FGF10: variants seen among roughly 807,000 people sequenced by gnomAD.
The protein encoded by FGF10 is FGF-10.
FGF10 carries 2 observed loss-of-function variants against 19.8 expected under a neutral mutation model. The observed-to-expected ratio is 0.10, with a 90% CI of 0.04 to 0.32. FGF10 has a LOEUF of 0.32. Among genes scored for constraint, FGF10 ranks in the 10% least tolerant of loss-of-function variants. The probability of loss-of-function intolerance (pLI) is 1.00; values close to 1 mark genes in which losing one functional copy is unlikely to be tolerated. For missense variants in FGF10, 191 were observed against 246.3 expected, an observed-to-expected ratio of 0.78 and a Z score of 1.50; for synonymous variants, 112 against 94.0, an observed-to-expected ratio of 1.19 and a Z score of -1.10.
chr5:44,305,332 T>A, intron 2 of FGF10, 140 bp from the exon 3 acceptor site: 1 of 708,250 alleles, frequency 1.4e-6, no homozygotes, highest in East Asian at 2.7e-5. Context: ...TAATACATAA[T>A]GTCAACAATA....
intron 2 of FGF10, among the ~76,000 whole-genome samples, chr5:44,306,136 G>A (rs1024846190): frequency 2.0e-5 from 3 of 152,140 alleles, no homozygotes; most frequent in Non-Finnish European, 4.4e-5. Flanking sequence ...AGTGCCTCAC[G>A]CCTGTAATCC....
At chr5:44,347,771 C>T (rs1741120729) in intron 1 of FGF10, among the ~76,000 whole-genome samples, 1 of 151,680 alleles carries the variant, frequency 6.6e-6, no homozygotes, top group African/African-American at 2.4e-5. Flanking sequence ...TCATCTCATG[C>T]CCTTATAGTA....
intron 1 of FGF10, among the ~76,000 whole-genome samples, chr5:44,368,711 C>T (rs1741676069): frequency 1.3e-5 from 2 of 152,016 alleles, no homozygotes; most frequent in Non-Finnish European, 2.9e-5. Flanking sequence ...CACTCTTGCC[C>T]AGGCTAGGGT....
At chr5:44,381,194 A>G (rs1741975314) in intron 1 of FGF10, among the ~76,000 whole-genome samples, 1 of 152,212 alleles carries the variant, frequency 6.6e-6, no homozygotes, top group Non-Finnish European at 1.5e-5. Flanking sequence ...CTTCACTTAC[A>G]GCAGAGCTTA....
intron 1 of FGF10, among the ~76,000 whole-genome samples, chr5:44,385,365 G>A (rs947678273): frequency 4.6e-5 from 7 of 152,114 alleles, no homozygotes; most frequent in African/African-American, 1.7e-4. Flanking sequence ...TTTGAAAGTA[G>A]AAGTTAAAAA....
In FGF10 at chr5:44,371,919, A is replaced by G. The variant is rs771004909; in HGVS notation, c.325+16439T>C. ...CGTTAAGAGGTTAGAACTTACATCTATTTGAGTCCATGCTTAGTACTATCT... is the reference window on the plus strand; with the variant it reads ...CGTTAAGAGGTTAGAACTTACATCTGTTTGAGTCCATGCTTAGTACTATCT... On this transcript the variant is annotated intron_variant, in intron 1 of 2. Coordinates refer to ENST00000264664, the MANE Select transcript of FGF10 (RefSeq NM_004465.2). Among the ~76,000 whole-genome samples the G allele has an allele frequency of 7.2e-5, 11 of 152,294 alleles. No homozygotes were observed. The Middle Eastern group carries it at 0.024, about 330-fold the overall frequency.
At chr5:44,323,792 T>C (rs1740550956) in intron 1 of FGF10, among the ~76,000 whole-genome samples, 1 of 152,154 alleles carries the variant, frequency 6.6e-6, no homozygotes, top group African/African-American at 2.4e-5. Flanking sequence ...TAAAAATGCT[T>C]ACATTGTTTT....
intron 1 of FGF10, among the ~76,000 whole-genome samples, chr5:44,338,528 G>A (rs1444781167): frequency 6.6e-6 from 1 of 152,112 alleles, no homozygotes; most frequent in Non-Finnish European, 1.5e-5. Flanking sequence ...TACTATTCAG[G>A]TTGACAAAAG....
chr5:44,325,217 T>C (rs1004036525), intron 1 of FGF10, among the ~76,000 whole-genome samples: 1 of 152,068 alleles, frequency 6.6e-6, no homozygotes, highest in Non-Finnish European at 1.5e-5. Flanking sequence ...ATGGCGGTCA[T>C]TAAAAAGTCA....
chr5:44,336,121 A>G (rs1351564777), intron 1 of FGF10, among the ~76,000 whole-genome samples: 1 of 152,026 alleles, frequency 6.6e-6, no homozygotes, highest in Non-Finnish European at 1.5e-5. Flanking sequence ...CCAAATTTTC[A>G]TCAGTATTTC....
chr5:44,366,104 C>G (rs1238903456), intron 1 of FGF10, among the ~76,000 whole-genome samples: 1 of 141,514 alleles, frequency 7.1e-6, no homozygotes, highest in Non-Finnish European at 1.5e-5. Flanking sequence ...AGTTCACTCT[C>G]TCACCTCTAT....
At chr5:44,363,299 C>T (rs747987233) in intron 1 of FGF10, among the ~76,000 whole-genome samples, 61 of 151,854 alleles carry the variant, frequency 4.0e-4, no homozygotes, top group Non-Finnish European at 6.3e-4. Flanking sequence ...TAAACACAAT[C>T]ATTTTTAATG....
intron 1 of FGF10, among the ~76,000 whole-genome samples, chr5:44,354,873 T>C (rs1203904906): frequency 6.6e-6 from 1 of 151,546 alleles, no homozygotes; most frequent in African/African-American, 2.4e-5. Context: ...TGCCTGCTTC[T>C]TAAAACCTCA....
chr5:44,386,979 T>G (rs1165041811), intron 1 of FGF10, among the ~76,000 whole-genome samples: 1 of 152,232 alleles, frequency 6.6e-6, no homozygotes, highest in African/African-American at 2.4e-5. Flanking sequence ...ACTGACGTAT[T>G]TAAGTTAACT....
intron 1 of FGF10, among the ~76,000 whole-genome samples, chr5:44,317,090 C>A (rs1414560084): frequency 6.6e-6 from 1 of 152,078 alleles, no homozygotes; most frequent in Non-Finnish European, 1.5e-5. Context: ...GATCTCATTG[C>A]CATTAAAAGG....
At chr5:44,353,197 T>A (rs1408250869) in intron 1 of FGF10, among the ~76,000 whole-genome samples, 1 of 151,628 alleles carries the variant, frequency 6.6e-6, no homozygotes, top group Non-Finnish European at 1.5e-5. Flanking sequence ...CAATGCATAG[T>A]CCATAGTCCC....
At chr5:44,339,190 T>A (rs1448216079) in intron 1 of FGF10, among the ~76,000 whole-genome samples, 1 of 152,182 alleles carries the variant, frequency 6.6e-6, no homozygotes. Flanking sequence ...TTAAGCTTTA[T>A]TTAATTATTT....
intron 1 of FGF10, among the ~76,000 whole-genome samples, chr5:44,347,884 T>G (rs533253525): frequency 6.6e-6 from 1 of 151,846 alleles, no homozygotes; most frequent in African/African-American, 2.4e-5. Flanking sequence ...TTGTCTTATA[T>G]AGAACAACTG....
At chr5:44,326,009 A>G (rs1740606833) in intron 1 of FGF10, among the ~76,000 whole-genome samples, 1 of 152,208 alleles carries the variant, frequency 6.6e-6, no homozygotes. Context: ...ATAGATACAC[A>G]TCTATCTTAT....
Sources: gnomAD v4.1 joint callset for allele counts (sites outside exome capture counted in the v4.1 genomes callset) on GRCh38, gnomAD v4.1.1 for gene constraint, MANE v1.5 for transcripts, NCBI Gene and HGNC (gene_info 2026-07-23, HGNC 2026-07-21) for gene names.